The following HNRNPA1L3 variants were observed in gnomAD, a reference collection of about 807,000 sequenced individuals.
HNRNPA1L3 encodes the protein heterogeneous nuclear ribonucleoprotein A1 like 3.
chr16:51,645,828 C>T, the HNRNPA1L3 span: 1 of 1,606,758 alleles, frequency 6.2e-7, no homozygotes, highest in Non-Finnish European at 8.5e-7. Flanking sequence ...ATGTCTAAGT[C>T]AGAGTCTCCT....
the HNRNPA1L3 span, chr16:51,646,183 A>T: frequency 1.9e-6 from 3 of 1,589,744 alleles, no homozygotes; most frequent in Non-Finnish European, 2.6e-6. Flanking sequence ...ATCACCTAAG[A>T]GATTATTTTG....
chr16:51,645,897 A>G, the HNRNPA1L3 span: 1 of 1,607,608 alleles, frequency 6.2e-7, no homozygotes, highest in East Asian at 2.2e-5. Flanking sequence ...GAAACAACTG[A>G]TGAGAGCCTG....
At chr16:51,645,977 T>C in the HNRNPA1L3 span, 5 of 1,603,428 alleles carry the variant, frequency 3.1e-6, no homozygotes, top group Admixed American at 5.0e-5. Context: ...CACGAAGCGC[T>C]CCAGGGGCTT....
At chr16:51,646,005 C>T in the HNRNPA1L3 span, 5 of 1,596,762 alleles carry the variant, frequency 3.1e-6, no homozygotes, top group South Asian at 1.1e-5. Context: ...GTCACATATG[C>T]CACTGTGGAG....
At chr16:51,646,210 T>C in the HNRNPA1L3 span, 5 of 1,595,902 alleles carry the variant, frequency 3.1e-6, no homozygotes, top group Middle Eastern at 2.3e-4. Context: ...ATGGAAAAAT[T>C]GAAGTGATTG....
the HNRNPA1L3 span, chr16:51,646,295 G>C: frequency 1.9e-6 from 3 of 1,592,602 alleles, no homozygotes; most frequent in African/African-American, 2.7e-5. Flanking sequence ...TGACTCCGTG[G>C]ATAAGATTGT....
chr16:51,646,439 GGT>G, the HNRNPA1L3 span: 1 of 1,583,256 alleles, frequency 6.3e-7, no homozygotes, highest in Non-Finnish European at 8.6e-7. Flanking sequence ...TGGTCGTGGA[GGT>G]GGTTTCGGTG....
At chr16:51,646,020 T>C in the HNRNPA1L3 span, 1 of 1,591,934 alleles carries the variant, frequency 6.3e-7, no homozygotes, top group African/African-American at 1.3e-5. Flanking sequence ...GTGGAGGAGG[T>C]GGATGCAGCT....
At chr16:51,645,894 C>A in the HNRNPA1L3 span, 1 of 1,607,182 alleles carries the variant, frequency 6.2e-7, no homozygotes, top group African/African-American at 1.3e-5. Flanking sequence ...TTTGAAACAA[C>A]TGATGAGAGC....
chr16:51,646,623 A>G, the HNRNPA1L3 span: 21 of 1,596,202 alleles, frequency 1.3e-5, no homozygotes, highest in Non-Finnish European at 1.7e-5. Flanking sequence ...TACAACAATC[A>G]GTCTTCAAAT....
chr16:51,645,910 G>T, the HNRNPA1L3 span: 1 of 1,606,910 alleles, frequency 6.2e-7, no homozygotes, highest in East Asian at 2.2e-5. Context: ...AGAGCCTGAG[G>T]AGCCATTTTG....
the HNRNPA1L3 span, chr16:51,646,935 A>G: frequency 2.7e-6 from 2 of 743,296 alleles, no homozygotes; most frequent in Non-Finnish European, 4.7e-6. Context: ...GTGTATAGGC[A>G]AAAAACTCGA....
the HNRNPA1L3 span, chr16:51,646,430 G>T: frequency 2.5e-6 from 4 of 1,577,232 alleles, no homozygotes; most frequent in African/African-American, 4.0e-5. Flanking sequence ...CTTTGGTGGT[G>T]GTCGTGGAGG....
At chr16:51,646,941 C>A in the HNRNPA1L3 span, 1 of 723,860 alleles carries the variant, frequency 1.4e-6, no homozygotes, top group Non-Finnish European at 2.4e-6. Flanking sequence ...AGGCAAAAAA[C>A]TCGAGGACTG....
chr16:51,646,023 A>C, the HNRNPA1L3 span: 35 of 1,591,236 alleles, frequency 2.2e-5, no homozygotes, highest in African/African-American at 3.9e-4. Flanking sequence ...GAGGAGGTGG[A>C]TGCAGCTATG....
chr16:51,646,942 T>C, the HNRNPA1L3 span: 1 of 720,042 alleles, frequency 1.4e-6, no homozygotes, highest in South Asian at 1.5e-5. Context: ...GGCAAAAAAC[T>C]CGAGGACTGT....
chr16:51,646,664 G>A, the HNRNPA1L3 span: 2 of 1,598,336 alleles, frequency 1.3e-6, no homozygotes, highest in Non-Finnish European at 1.7e-6. Context: ...AAATTTTGAA[G>A]GCAGAAGCTC....
At chr16:51,646,114 T>C in the HNRNPA1L3 span, 1 of 1,596,128 alleles carries the variant, frequency 6.3e-7, no homozygotes, top group Non-Finnish European at 8.5e-7. Context: ...AAAGACCAGA[T>C]GCCCACTTAA....
At chr16:51,645,807 A>G in the HNRNPA1L3 span, 6 of 1,607,956 alleles carry the variant, frequency 3.7e-6, no homozygotes, top group East Asian at 1.3e-4. Context: ...GTCTCTCTTC[A>G]CCCTGCCGTC....
Sources: allele counts gnomAD v4.1 joint callset, GRCh38; gene constraint gnomAD v4.1.1; transcripts MANE v1.5; gene names NCBI Gene and HGNC (gene_info 2026-07-23, HGNC 2026-07-21).